MIEF2: variants seen among roughly 807,000 people sequenced by gnomAD.
MIEF2 encodes mitochondrial dynamics protein MID49.
In MIEF2, 1 loss-of-function variant was observed where a neutral mutation model predicts 7.4. That is an observed-to-expected ratio of 0.14 (90% CI 0.05 to 0.64). The LOEUF (loss-of-function observed/expected upper bound fraction) is 0.64. Among genes scored for constraint, MIEF2 ranks in the 30% least tolerant of loss-of-function variants. The pLI is 0.85. For missense variants in MIEF2, 569 were observed against 623.9 expected (o/e 0.91, Z 0.94); for synonymous variants, 275 against 290.5 (o/e 0.95, Z 0.54).
Position 18,263,939 on chromosome 17 carries a change from G to T in MIEF2, c.540G>T (p.Gly180=). 1.9e-6 allele frequency: 3 copies of T among 1,594,004 alleles called. No homozygotes were observed. The highest frequency in any genetic ancestry group is 1.7e-6 in the Non-Finnish European group (2 of 1,174,476). ...CCTTTGGGGCATTCGTGCCTGGGGG[G>T]CCGCTCTACGACGGGCTGCAGGCGG... ...ELPFGAFVPG[G]PLYDGLQAGA... Residue 180 remains glycine, a synonymous_variant, in exon 4 of 4, where the codon GGG becomes GGT. Coordinates refer to ENST00000323019, the MANE Select transcript of MIEF2 (RefSeq NM_139162.4).
At chr17:18,261,162 GT>G in intron 1 of MIEF2, 1 of 1,551,634 alleles carries the variant, frequency 6.4e-7, no homozygotes, top group Middle Eastern at 1.7e-4. Context: ...ATTTAGACAG[GT>G]TGGGAGTATT....
rs1167367769 is a variant in MIEF2, at chr17:18,265,230, T to G, written c.*466T>G. On this transcript the variant is annotated 3_prime_UTR_variant, in exon 4 of 4. Transcript: ENST00000323019. ...GTGCCTGATGGTAGGTATGGTGTGT[T>G]TGTTCTGTCCCCCAGGGGCTGGAGT... The G allele has an allele frequency of 6.3e-6, 1 of 158,844 alleles. No individual in the cohort carries two copies. Among genetic ancestry groups the G allele is most frequent in the Admixed American group, 5.9e-5 (1 of 16,828 alleles). 9.8% of individuals were successfully genotyped at this position (158,844 alleles called of 1,614,324 possible).
Position 18,264,348 on chromosome 17 carries a change from C to T in MIEF2, c.949C>T (p.Leu317Phe), listed in dbSNP as rs763931509. ...TGGGGTCGATGCTGACGACCGCCTC[C>T]TCTTGGCCTGGCCCCTGGAGGGGCT... Reference protein sequence around the residue: ...VPGVDADDRLLLAWPLEGLAG... With the variant: ...VPGVDADDRLFLAWPLEGLAG... The change falls in exon 4 of 4, where the codon CTC (leucine) becomes TTC (phenylalanine). Residue 317 changes from leucine (L) to phenylalanine (F), a missense_variant. Physicochemically the swap from Leu to Phe is conservative, Grantham distance 22. Coordinates refer to ENST00000323019, the MANE Select transcript of MIEF2 (RefSeq NM_139162.4). 2 of 1,605,834 alleles carry T rather than the reference C, an allele frequency of 1.2e-6. No individual in the cohort carries two copies. The highest frequency in any genetic ancestry group is 1.7e-6 in the Non-Finnish European group (2 of 1,179,894).
In MIEF2 at chr17:18,264,977, G is replaced by C; in HGVS notation, c.*213G>C. 1.2e-6 allele frequency: 1 copy of C among 846,916 alleles called. No homozygotes were observed. Among genetic ancestry groups the C allele is most frequent in the Non-Finnish European group, 1.7e-6 (1 of 586,398 alleles). 52.5% of individuals were successfully genotyped at this position (846,916 alleles called of 1,614,324 possible). A position where few individuals can be genotyped will look rare whatever the true frequency, so the allele number is the denominator to read the frequency against. On this transcript the variant is annotated 3_prime_UTR_variant, in exon 4 of 4. Transcript: ENST00000323019. Reference sequence around the variant, plus strand: ...GGGTCACTGTCACCTGAGTGCAGCTGGGCTGCCTCAGGCAGCTTGGAGTGC... The same window carrying C: ...GGGTCACTGTCACCTGAGTGCAGCTCGGCTGCCTCAGGCAGCTTGGAGTGC...
rs775338829 is a variant in MIEF2, at chr17:18,262,752, G to A, written c.32G>A (p.Arg11Gln). The A allele has an allele frequency of 3.1e-6, 5 of 1,608,260 alleles. No individual in the cohort carries two copies. The highest frequency in any genetic ancestry group is 4.2e-6 in the Non-Finnish European group (5 of 1,177,024). Residue 11 changes from arginine to glutamine, a missense_variant, in exon 2 of 4, where the codon CGG becomes CAG. Transcript: ENST00000323019. The part of the protein sequence containing the change: MAEFSQKRGK[R>Q]RSDEGLGSMV... ...GAGTTCTCCCAGAAACGGGGGAAGC[G>A]GCGTAGCGACGAAGGGCTGGGCAGC...
rs1315737141 is a variant in MIEF2 at position 18,264,704 on chromosome 17, G to T, written c.1305G>T (p.Glu435Asp). 1 of 1,612,814 alleles carries T rather than the reference G, an allele frequency of 6.2e-7. No homozygotes were observed. The highest frequency in any genetic ancestry group is 8.5e-7 in the Non-Finnish European group (1 of 1,180,034). The change falls in exon 4 of 4, where the codon GAG (glutamate) becomes GAT (aspartate). Residue 435 changes from glutamate to aspartate, a missense_variant. Coordinates refer to ENST00000323019, the MANE Select transcript of MIEF2 (RefSeq NM_139162.4). ...VNLFSSLREE[E>D]IDDIGYALYS... ...TCTTCAGCAGCTTGCGTGAGGAGGA[G>T]ATTGACGACATTGGCTATGCGCTAT...
chr17:18,264,719 C>G lies in MIEF2; in HGVS notation c.1320C>G (p.Gly440=), dbSNP rs142158943. The part of the protein sequence containing the change: ...SLREEEIDDI[G]YALYSGLQEP... Reference sequence around the variant, plus strand: ...GTGAGGAGGAGATTGACGACATTGGCTATGCGCTATACAGTGGCCTACAGG... The same window carrying G: ...GTGAGGAGGAGATTGACGACATTGGGTATGCGCTATACAGTGGCCTACAGG... The change falls in exon 4 of 4, where the codon GGC becomes GGG. Residue 440 remains glycine (G), a synonymous_variant. Coordinates refer to ENST00000323019, the MANE Select transcript of MIEF2 (RefSeq NM_139162.4). 1.7e-5 allele frequency: 27 copies of G among 1,612,568 alleles called. No individual in the cohort carries two copies. Among genetic ancestry groups the G allele is most frequent in the Non-Finnish European group, 2.3e-5 (27 of 1,180,012 alleles).
chr17:18,260,930 C>T (rs1160135495), intron 1 of MIEF2, among the ~76,000 whole-genome samples, 193 bp downstream of exon 1: 2 of 152,210 alleles, frequency 1.3e-5, no homozygotes, highest in Non-Finnish European at 1.5e-5. Flanking sequence ...GTTTATCCTG[C>T]GAACGGGGCG....
chr17:18,263,693 G>A lies in MIEF2; in HGVS notation c.311-17G>A, dbSNP rs541079113. 17 of 1,545,288 alleles carry A rather than the reference G, an allele frequency of 1.1e-5. No individual in the cohort carries two copies. In the African/African-American group the frequency reaches 1.1e-4, roughly 10 times the overall value. ...CACAGGCTGTTCCGACATGTTCCCC[G>A]CCCCTTCACTCTGCAGAAGGGCCTG... On this transcript the variant is annotated splice_polypyrimidine_tract_variant and intron_variant, in intron 3 of 3. Coordinates refer to ENST00000323019, the MANE Select transcript of MIEF2 (RefSeq NM_139162.4).
Position 18,266,500 on chromosome 17 carries a change from G to A in MIEF2, c.*1736G>A, listed in dbSNP as rs1484888877. ...GTGCACTCCAGCCTAGGCAACAAGAGTGAAACTCTGTCTCAAAATAAAATA... is the reference window on the plus strand; with the variant it reads ...GTGCACTCCAGCCTAGGCAACAAGAATGAAACTCTGTCTCAAAATAAAATA... On this transcript the variant is annotated 3_prime_UTR_variant, in exon 4 of 4. Coordinates refer to ENST00000323019, the MANE Select transcript of MIEF2 (RefSeq NM_139162.4). 6.6e-6 allele frequency: 1 copy of A among 152,222 alleles called. No individual in the cohort carries two copies. The highest frequency in any genetic ancestry group is 2.4e-5 in the African/African-American group (1 of 41,438). The allele number at this position is 152,222 out of a possible 1,614,324, so 9.4% of individuals were successfully genotyped here.
rs779314219 is a variant in MIEF2, at chr17:18,264,399, C to A, written c.1000C>A (p.Leu334Met). The A allele has an allele frequency of 6.2e-7, 1 of 1,601,458 alleles. No homozygotes were observed. Among genetic ancestry groups the A allele is most frequent in the Non-Finnish European group, 8.5e-7 (1 of 1,179,842 alleles). The change falls in exon 4 of 4, where the codon CTG (leucine) becomes ATG (methionine). Residue 334 changes from leucine to methionine, a missense_variant. By Grantham distance (15) the Leu-to-Met change is conservative (BLOSUM62 2). Coordinates refer to ENST00000323019, the MANE Select transcript of MIEF2 (RefSeq NM_139162.4). ...GGCGGGGAACCTCTGGCTGCAGGAC[C>A]TGTATCCAGTGGAGGCTGCTAGGCT... Reference protein sequence around the residue: ...GLAGNLWLQDLYPVEAARLRA... With the variant: ...GLAGNLWLQDMYPVEAARLRA...
intron 1 of MIEF2, chr17:18,261,090 C>T (rs2605142): frequency 0.28 from 435,608 of 1,549,888 alleles, 63,055 homozygotes; most frequent in African/African-American, 0.34. Flanking sequence ...TCCTGCTTCT[C>T]GGAGCTGGAA....
chr17:18,264,063 T>A lies in MIEF2; in HGVS notation c.664T>A (p.Cys222Ser). The change falls in exon 4 of 4, where the codon TGC (cysteine) becomes AGC (serine). Residue 222 changes from cysteine (C) to serine (S), a missense_variant. Coordinates refer to ENST00000323019, the MANE Select transcript of MIEF2 (RefSeq NM_139162.4). ...GVDTVARDPR[C>S]WAVRRTQLEF... is the part of the protein sequence containing the mutation. ...GGACACTGTGGCGAGGGACCCTCGC[T>A]GCTGGGCCGTGCGCAGGACGCAGCT... The A allele has an allele frequency of 6.4e-7, 1 of 1,552,458 alleles. No individual in the cohort carries two copies. The highest frequency in any genetic ancestry group is 2.3e-5 in the East Asian group (1 of 42,574).
In MIEF2 at chr17:18,263,227, G is replaced by A. The variant is rs1477149336; in HGVS notation, c.289G>A (p.Ala97Thr). The change falls in exon 3 of 4, where the codon GCC becomes ACC. Residue 97 changes from alanine (A) to threonine (T), a missense_variant. Transcript: ENST00000323019. ...AALSQPVLPLAPSSSAPEGPA... is the reference protein window; with the variant it reads ...AALSQPVLPLTPSSSAPEGPA... ...CCTTAGCCAGCCAGTGTTGCCCTTG[G>A]CCCCCTCGTCGTCTGCCCCAGGTGA... 6.2e-7 allele frequency: 1 copy of A among 1,613,852 alleles called. No homozygotes were observed. Among genetic ancestry groups the A allele is most frequent in the Admixed American group, 1.7e-5 (1 of 60,034 alleles).
chr17:18,266,484 A>C lies in MIEF2; in HGVS notation c.*1720A>C, dbSNP rs1978753533. ...AGCTGAGATCGTGCCAGTGCACTCCAGCCTAGGCAACAAGAGTGAAACTCT... is the reference window on the plus strand; with the variant it reads ...AGCTGAGATCGTGCCAGTGCACTCCCGCCTAGGCAACAAGAGTGAAACTCT... On this transcript the variant is annotated 3_prime_UTR_variant, in exon 4 of 4. Coordinates refer to ENST00000323019, the MANE Select transcript of MIEF2 (RefSeq NM_139162.4). 6.6e-6 allele frequency: 1 copy of C among 152,260 alleles called. No individual in the cohort carries two copies. Among genetic ancestry groups the C allele is most frequent in the South Asian group, 2.1e-4 (1 of 4,836 alleles). 9.4% of individuals were successfully genotyped at this position (152,260 alleles called of 1,614,324 possible). A position where few individuals can be genotyped will look rare whatever the true frequency, so the allele number is the denominator to read the frequency against.
intron 1 of MIEF2, chr17:18,261,311 C>T (rs1208444438): frequency 1.1e-6 from 1 of 887,514 alleles, no homozygotes; most frequent in Non-Finnish European, 1.8e-6. Context: ...CTGGGATCGC[C>T]CCAGAGACCG....
chr17:18,264,978 G>A lies in MIEF2; in HGVS notation c.*214G>A. On this transcript the variant is annotated 3_prime_UTR_variant, in exon 4 of 4. Coordinates refer to ENST00000323019, the MANE Select transcript of MIEF2 (RefSeq NM_139162.4). ...GGTCACTGTCACCTGAGTGCAGCTG[G>A]GCTGCCTCAGGCAGCTTGGAGTGCC... 1 of 792,346 alleles carries A rather than the reference G, an allele frequency of 1.3e-6. No homozygotes were observed. Among genetic ancestry groups the A allele is most frequent in the Non-Finnish European group, 1.9e-6 (1 of 539,992 alleles). 49.1% of individuals were successfully genotyped at this position (792,346 alleles called of 1,614,324 possible). A position where few individuals can be genotyped will look rare whatever the true frequency, so the allele number is the denominator to read the frequency against.
At chr17:18,261,016 A>G in intron 1 of MIEF2, 1 of 1,278,280 alleles carries the variant, frequency 7.8e-7, no homozygotes, top group Non-Finnish European at 1.1e-6. Context: ...GGAGGAGGGA[A>G]GGCCAAACGG....
At chr17:18,262,304 C>T (rs1272861909) in intron 1 of MIEF2, among the ~76,000 whole-genome samples, 1 of 152,190 alleles carries the variant, frequency 6.6e-6, no homozygotes, top group African/African-American at 2.4e-5. Context: ...GTGATGATGA[C>T]ACCCTGGTGA....
Sources: gnomAD v4.1 joint callset for allele counts (sites outside exome capture counted in the v4.1 genomes callset) on GRCh38, gnomAD v4.1.1 for gene constraint, MANE v1.5 for transcripts, NCBI Gene and HGNC (gene_info 2026-07-23, HGNC 2026-07-21) for gene names.